The following CHRM5 variants were observed in gnomAD, a reference collection of about 807,000 sequenced individuals.
CHRM5 encodes cholinergic receptor muscarinic 5.
In CHRM5, 18 loss-of-function variants were observed where a neutral mutation model predicts 39.0. The ratio of observed to expected loss-of-function variants is 0.46; its 90% CI spans 0.32 to 0.68. The LOEUF is 0.68. Among genes scored for constraint, CHRM5 ranks in the 30% least tolerant of loss-of-function variants. The pLI, the probability that CHRM5 is intolerant of heterozygous loss-of-function variation, is 0.04. For synonymous variants in CHRM5, 241 were observed against 246.3 expected, an observed-to-expected ratio of 0.98 and a Z score of 0.20; for missense variants, 515 against 651.1, an observed-to-expected ratio of 0.79 and a Z score of 2.28.
rs139968966 is a variant in CHRM5, at chr15:33,984,671, G to A, written c.-408+15521G>A. Among the ~76,000 whole-genome samples, 160 of 152,196 alleles carry A rather than the reference G, an allele frequency of 1.1e-3. 1 individual carries two copies. The highest frequency in any genetic ancestry group is 3.5e-3 in the African/African-American group (145 of 41,558). ...CCCGTCTTGGCCTCCCAAAGTGCTC[G>A]GATTACAGGTGTGAGGCACTGCACC... On this transcript the variant is annotated intron_variant, in intron 1 of 2. Transcript: ENST00000383263.
Position 34,063,957 on chromosome 15 carries a change from T to G in CHRM5, c.1240T>G (p.Ser414Ala). 6.2e-7 allele frequency: 1 copy of G among 1,614,036 alleles called. No individual in the cohort carries two copies. Among genetic ancestry groups the G allele is most frequent in the Non-Finnish European group, 8.5e-7 (1 of 1,179,998 alleles). Residue 414 changes from serine to alanine, a missense_variant, in exon 3 of 3, where the codon TCA (serine) becomes GCA (alanine). Coordinates refer to ENST00000383263, the MANE Select transcript of CHRM5 (RefSeq NM_012125.4). The surrounding 1 kb of genome is among the most constrained non-coding windows in gnomAD (Gnocchi z 4.1). ...CCCCTTCCCAGTGGCCAAGGAACCT[T>G]CAACGAAAGGCCTCAATCCCAACCC... is the stretch of plus-strand genomic sequence containing the variant. ...PCPFPVAKEPSTKGLNPNPSH... is the reference protein window; with the variant it reads ...PCPFPVAKEPATKGLNPNPSH...
At chr15:34,035,502 G>C (rs549732890) in intron 1 of CHRM5, among the ~76,000 whole-genome samples, 1 of 152,292 alleles carries the variant, frequency 6.6e-6, no homozygotes, top group South Asian at 2.1e-4. Flanking sequence ...GCTCTGGAGT[G>C]AAAATGCTGG....
intron 1 of CHRM5, among the ~76,000 whole-genome samples, chr15:34,033,000 G>C (rs1033704912): frequency 6.6e-6 from 1 of 152,166 alleles, no homozygotes; most frequent in Non-Finnish European, 1.5e-5. Context: ...TTAATGAACT[G>C]AGTGACATTG....
At chr15:34,038,894 C>T in intron 1 of CHRM5, 2 of 1,131,730 alleles carry the variant, frequency 1.8e-6, no homozygotes, top group Admixed American at 4.9e-5. Context: ...GGCCACGGCC[C>T]CGGCGTCCGC....
At chr15:34,028,220 G>T (rs1271325155) in intron 1 of CHRM5, among the ~76,000 whole-genome samples, 1 of 152,104 alleles carries the variant, frequency 6.6e-6, no homozygotes, top group Non-Finnish European at 1.5e-5. Context: ...ATACACATAT[G>T]TTCATGTGTA....
At chr15:34,017,598 G>A (rs186642888) in intron 1 of CHRM5, among the ~76,000 whole-genome samples, 141 of 150,548 alleles carry the variant, frequency 9.4e-4, no homozygotes, top group Middle Eastern at 6.9e-3. Context: ...TCCTGCCTGA[G>A]TCTCTCAAGT....
Position 34,046,738 on chromosome 15 carries a change from T to A in CHRM5, c.-209T>A, listed in dbSNP as rs1369686440. 1.3e-5 allele frequency: 2 copies of A among 152,420 alleles called. No homozygotes were observed. Among genetic ancestry groups the A allele is most frequent in the Admixed American group, 1.3e-4 (2 of 15,308 alleles). 9.4% of individuals were successfully genotyped at this position (152,420 alleles called of 1,614,324 possible). A position where few individuals can be genotyped will look rare whatever the true frequency, so the allele number is the denominator to read the frequency against. ...GAATACAGCGCCTTCAACTGAAATA[T>A]CCAGGTTCTCGCTTTGGGACTAATT... On this transcript the variant is annotated 5_prime_UTR_variant, in exon 2 of 3. Coordinates refer to ENST00000383263, the MANE Select transcript of CHRM5 (RefSeq NM_012125.4).
intron 1 of CHRM5, among the ~76,000 whole-genome samples, chr15:34,035,594 GGTGCCTCA>G (rs1466660780): frequency 3.3e-5 from 5 of 151,966 alleles, no homozygotes; most frequent in Admixed American, 3.3e-4. Context: ...GTTATTTAAC[GGTGCCTCA>G]GCTGTCTCAT....
chr15:33,990,380 T>C (rs1896669955), intron 1 of CHRM5, among the ~76,000 whole-genome samples: 1 of 151,518 alleles, frequency 6.6e-6, no homozygotes, highest in Non-Finnish European at 1.5e-5. Context: ...AGACCCTGTC[T>C]GAAAAAAAAA....
chr15:34,040,251 A>G (rs1238321238), intron 1 of CHRM5, among the ~76,000 whole-genome samples: 1 of 152,218 alleles, frequency 6.6e-6, no homozygotes, highest in Non-Finnish European at 1.5e-5. Flanking sequence ...AGATGATTAC[A>G]GTACCGTGTT....
intron 1 of CHRM5, among the ~76,000 whole-genome samples, chr15:33,972,729 G>C (rs1461432639): frequency 6.6e-6 from 1 of 152,110 alleles, no homozygotes; most frequent in Non-Finnish European, 1.5e-5. Flanking sequence ...ATCTTTGTTT[G>C]CAACAGTAGC....
rs1895504209 is a variant in CHRM5, at chr15:33,968,870, A to C, written c.-688A>C. On this transcript the variant is annotated 5_prime_UTR_variant, in exon 1 of 3. Transcript: ENST00000383263. ...TCAATGAATCTTTAATAAGTTCTCA[A>C]CACTCAGATTGTTTGTGATCAGATC... is the stretch of plus-strand genomic sequence containing the variant. 1 of 152,108 alleles carries C rather than the reference A, an allele frequency of 6.6e-6. No homozygotes were observed. The highest frequency in any genetic ancestry group is 6.6e-5 in the Admixed American group (1 of 15,256). 9.4% of individuals were successfully genotyped at this position (152,108 alleles called of 1,614,324 possible).
chr15:34,029,389 A>T (rs535695836), intron 1 of CHRM5, among the ~76,000 whole-genome samples: 1 of 152,128 alleles, frequency 6.6e-6, no homozygotes, highest in South Asian at 2.1e-4. Flanking sequence ...GGGGAAAAAA[A>T]AGTTTTAGGA....
intron 2 of CHRM5, 116 bp from the exon 3 acceptor site, chr15:34,062,527 C>G: frequency 1.8e-6 from 1 of 561,814 alleles, no homozygotes; most frequent in Non-Finnish European, 3.0e-6. Flanking sequence ...TGCACTCCAG[C>G]CTGGGTGACA....
rs533447308 is a variant in CHRM5 at position 34,024,245 on chromosome 15, C to T, written c.-407-22295C>T. Among the ~76,000 whole-genome samples the T allele has an allele frequency of 2.7e-4, 41 of 152,212 alleles. 1 individual carries two copies. The South Asian group carries it at 3.1e-3, about 12-fold the overall frequency. ...GGAGTCAAACAACAAAAAAGGAATA[C>T]TTTATAATGCTATTATAAATACATA... On this transcript the variant is annotated intron_variant, in intron 1 of 2. Coordinates refer to ENST00000383263, the MANE Select transcript of CHRM5 (RefSeq NM_012125.4).
chr15:33,989,862 G>T (rs1417839607), intron 1 of CHRM5, among the ~76,000 whole-genome samples: 2 of 150,408 alleles, frequency 1.3e-5, no homozygotes, highest in Non-Finnish European at 3.0e-5. Flanking sequence ...ATCATACAAA[G>T]AAGAGACAAT....
At chr15:34,029,025 G>T (rs990510155) in intron 1 of CHRM5, among the ~76,000 whole-genome samples, 7 of 151,984 alleles carry the variant, frequency 4.6e-5, no homozygotes, top group African/African-American at 1.7e-4. Flanking sequence ...ATTACTATTT[G>T]TCCACAACTC....
chr15:33,983,857 G>C (rs529907388), intron 1 of CHRM5, among the ~76,000 whole-genome samples: 40 of 151,762 alleles, frequency 2.6e-4, no homozygotes, highest in African/African-American at 9.7e-4. Flanking sequence ...TGTGTCCACT[G>C]ACATGATCCA....
At chr15:34,050,424 TA>T (rs1899892222) in intron 2 of CHRM5, among the ~76,000 whole-genome samples, 2 of 152,170 alleles carry the variant, frequency 1.3e-5, no homozygotes, top group South Asian at 4.1e-4. Flanking sequence ...CCAGTGACAT[TA>T]TGAAGCAACC....
Sources: gnomAD v4.1 joint callset for allele counts (sites outside exome capture counted in the v4.1 genomes callset) on GRCh38, gnomAD v4.1.1 for gene constraint, Gnocchi (gnomAD v3.1) non-coding constraint, MANE v1.5 for transcripts, NCBI Gene and HGNC (gene_info 2026-07-23, HGNC 2026-07-21) for gene names.